The following BMPR2 variants were observed in gnomAD, a reference collection of about 807,000 sequenced individuals.
BMPR2 encodes bone morphogenetic protein receptor type-2.
In BMPR2, 29 loss-of-function variants were observed where a neutral mutation model predicts 100.8. The ratio of observed to expected loss-of-function variants is 0.29; its 90% confidence interval spans 0.21 to 0.39. The LOEUF is 0.39. BMPR2 is among the 10% of genes least tolerant of loss of function. BMPR2 has a pLI of 1.00. For synonymous variants in BMPR2, 382 were observed against 442.3 expected, an observed-to-expected ratio of 0.86 and a Z score of 1.71; for missense variants, 1,011 against 1,274.5, an observed-to-expected ratio of 0.79 and a Z score of 3.15.
intron 3 of BMPR2, among the ~76,000 whole-genome samples, chr2:202,470,291 G>A (rs1001145918): frequency 1.2e-4 from 18 of 152,044 alleles, no homozygotes; most frequent in Non-Finnish European, 1.8e-4. Flanking sequence ...GCAGTGAGCC[G>A]AGATCATGCC....
rs139900859 is a variant in BMPR2, at chr2:202,480,231, C to T, written c.418+12542C>T. The stretch of plus-strand genomic sequence containing the variant: ...CACTGCAACCTCCACCTCTTGGGTT[C>T]ACGCTATTCTCCTGTCTCAGCCTCC... On this transcript the variant is annotated intron_variant, in intron 3 of 12. Transcript: ENST00000374580. Among the ~76,000 whole-genome samples the T allele has an allele frequency of 2.0e-3, 301 of 152,218 alleles. 1 individual carries two copies. The highest frequency in any genetic ancestry group is 6.6e-3 in the African/African-American group (274 of 41,530).
At chr2:202,488,991 C>T (rs1471096503) in intron 3 of BMPR2, among the ~76,000 whole-genome samples, 2 of 147,728 alleles carry the variant, frequency 1.4e-5, no homozygotes, top group Non-Finnish European at 3.0e-5. Flanking sequence ...AGGTATCTGT[C>T]TTTTTGTTAC....
At chr2:202,432,702 G>T (rs1691531842) in intron 1 of BMPR2, among the ~76,000 whole-genome samples, 1 of 150,456 alleles carries the variant, frequency 6.6e-6, no homozygotes, top group South Asian at 2.1e-4. Context: ...AAACTAAAAT[G>T]ATCCTAGATT....
chr2:202,556,436 C>T lies in BMPR2; in HGVS notation c.2771C>T (p.Ala924Val). The change falls in exon 12 of 13, where the codon GCA becomes GTA. Residue 924 changes from alanine (A) to valine (V), a missense_variant. Physicochemically the swap from Ala to Val is moderately conservative, Grantham distance 64 (BLOSUM62 0). Transcript: ENST00000374580. The part of the protein sequence containing the change: ...DVLAQGVPST[A>V]ADPGPSKPRR... ...CTTGCACAGGGTGTTCCAAGCACAG[C>T]AGCAGATCCTGGGCCATCAAAGCCC... 1 of 1,614,172 alleles carries T rather than the reference C, an allele frequency of 6.2e-7. No homozygotes were observed. Among genetic ancestry groups the T allele is most frequent in the South Asian group, 1.1e-5 (1 of 91,076 alleles).
intron 1 of BMPR2, among the ~76,000 whole-genome samples, chr2:202,430,333 T>C (rs1691479060): frequency 6.6e-6 from 1 of 152,224 alleles, no homozygotes. Flanking sequence ...CTACAGTCTT[T>C]TTGTTTTATG....
chr2:202,558,546 G>A (rs1017825276), intron 12 of BMPR2, among the ~76,000 whole-genome samples: 9 of 152,232 alleles, frequency 5.9e-5, no homozygotes, highest in African/African-American at 2.2e-4. Context: ...TGAGTGGCTT[G>A]TATTACAGAT....
At chr2:202,510,228 C>T (rs1687594001) in intron 3 of BMPR2, among the ~76,000 whole-genome samples, 1 of 152,168 alleles carries the variant, frequency 6.6e-6, no homozygotes, top group Non-Finnish European at 1.5e-5. Context: ...ACCAGCCTGA[C>T]CAACATGGTG....
chr2:202,390,522 G>C (rs1690525067), intron 1 of BMPR2, among the ~76,000 whole-genome samples: 1 of 151,964 alleles, frequency 6.6e-6, no homozygotes, highest in Non-Finnish European at 1.5e-5. Flanking sequence ...AGTAGAGACA[G>C]GGTTTCACCA....
chr2:202,433,402 G>C (rs979533787), intron 1 of BMPR2, among the ~76,000 whole-genome samples: 2 of 150,640 alleles, frequency 1.3e-5, no homozygotes, highest in African/African-American at 2.5e-5. Context: ...ACAGGATCTA[G>C]TTTGAGGCAC....
intron 1 of BMPR2, among the ~76,000 whole-genome samples, chr2:202,427,121 C>T (rs1207070104): frequency 6.6e-6 from 1 of 151,876 alleles, no homozygotes; most frequent in Non-Finnish European, 1.5e-5. Flanking sequence ...GAGGCCGAGG[C>T]GGGAGGATCA....
At chr2:202,423,627 C>T (rs894658850) in intron 1 of BMPR2, among the ~76,000 whole-genome samples, 2 of 152,022 alleles carry the variant, frequency 1.3e-5, no homozygotes, top group South Asian at 2.1e-4. Context: ...TGTTGGCGTG[C>T]GCCTGTGGTC....
intron 5 of BMPR2, among the ~76,000 whole-genome samples, chr2:202,516,350 A>G (rs1367551620): frequency 6.6e-6 from 1 of 152,214 alleles, no homozygotes; most frequent in Non-Finnish European, 1.5e-5. Flanking sequence ...AACTGATATA[A>G]ATCAAGATGA....
At chr2:202,504,698 T>G in intron 3 of BMPR2, among the ~76,000 whole-genome samples, 1 of 147,282 alleles carries the variant, frequency 6.8e-6, no homozygotes, top group East Asian at 1.9e-4. Flanking sequence ...TTTTTTTTTT[T>G]TGAGAGAGTC....
chr2:202,377,362 G>T lies in BMPR2; in HGVS notation c.-113G>T. 1.0e-6 allele frequency: 1 copy of T among 1,000,974 alleles called. No individual in the cohort carries two copies. Among genetic ancestry groups the T allele is most frequent in the Non-Finnish European group, 1.6e-6 (1 of 620,940 alleles). 62.0% of individuals were successfully genotyped at this position (1,000,974 alleles called of 1,614,324 possible). On this transcript the variant is annotated 5_prime_UTR_variant, in exon 1 of 13. The change abolishes the stop of an existing upstream ORF in the 5' untranslated region. Coordinates refer to ENST00000374580, the MANE Select transcript of BMPR2 (RefSeq NM_001204.7). ...CATTTGTCCTTTCAAACTGTATTGT[G>T]ATACGGGCAGGATCAGTCCACGGGA...
chr2:202,471,948 G>T (rs1033590614), intron 3 of BMPR2, among the ~76,000 whole-genome samples: 2 of 151,166 alleles, frequency 1.3e-5, no homozygotes, highest in African/African-American at 2.4e-5. Flanking sequence ...GTAGAAAGAG[G>T]TAATAAAAGC....
intron 1 of BMPR2, among the ~76,000 whole-genome samples, chr2:202,409,634 G>A (rs1321433676): frequency 1.3e-5 from 2 of 152,090 alleles, no homozygotes; most frequent in Non-Finnish European, 2.9e-5. Context: ...ACCAGGATGT[G>A]GGGAGAACTC....
intron 1 of BMPR2, among the ~76,000 whole-genome samples, chr2:202,437,830 T>TTACGGATA (rs1362997072): frequency 1.3e-5 from 2 of 150,782 alleles, no homozygotes. Context: ...TAACATTCTA[T>TTACGGATA]TACGGATATA....
At chr2:202,549,842 C>G (rs973728796) in intron 10 of BMPR2, among the ~76,000 whole-genome samples, 1 of 152,034 alleles carries the variant, frequency 6.6e-6, no homozygotes, top group Non-Finnish European at 1.5e-5. Context: ...CATAAGAGTT[C>G]CAGTTTCTCT....
intron 3 of BMPR2, chr2:202,474,907 C>T (rs533046075): frequency 6.6e-6 from 1 of 151,964 alleles, no homozygotes; most frequent in East Asian, 1.9e-4. Context: ...TTTGTGTAAC[C>T]AATAACCTGC....
Sources: allele counts gnomAD v4.1 joint callset (sites outside exome capture counted in the v4.1 genomes callset), GRCh38; gene constraint gnomAD v4.1.1; transcripts MANE v1.5; gene names NCBI Gene and HGNC (gene_info 2026-07-23, HGNC 2026-07-21).